ZFYVE28: variants seen among roughly 807,000 people sequenced by gnomAD.
ZFYVE28 encodes zinc finger FYVE-type containing 28.
Under a neutral mutation model 82.1 loss-of-function variants are expected in ZFYVE28, and 40 were observed. The ratio of observed to expected loss-of-function variants is 0.49; its 90% CI spans 0.38 to 0.63. The LOEUF (loss-of-function observed/expected upper bound fraction) is 0.63. Among genes scored for constraint, ZFYVE28 ranks in the 30% least tolerant of loss-of-function variants. The pLI, the probability that ZFYVE28 is intolerant of heterozygous loss-of-function variation, is 0.00. For missense variants in ZFYVE28, 1,321 were observed against 1,242.1 expected, an observed-to-expected ratio of 1.06 and a Z score of -0.96; for synonymous variants, 612 against 546.1, an observed-to-expected ratio of 1.12 and a Z score of -1.68.
At position 2,345,781 on chromosome 4, in the gene ZFYVE28, T is replaced by C. The variant is rs148665315; in HGVS notation, c.181-4166A>G. ...CAAAACCAATAAAAAGAGAAAATCT[T>C]TAAAGTAGCACGAGAAAAAAGATGT... On this transcript the variant is annotated intron_variant, in intron 2 of 12. Coordinates refer to ENST00000290974, the MANE Select transcript of ZFYVE28 (RefSeq NM_020972.3). 4.6e-4 allele frequency among the ~76,000 whole-genome samples: 70 copies of C among 151,576 alleles called. 2 individuals are homozygous for C. The highest frequency in any genetic ancestry group is 1.7e-3 in the African/African-American group (69 of 41,272).
At chr4:2,357,728 A>G (rs1192155680) in intron 1 of ZFYVE28, among the ~76,000 whole-genome samples, 1 of 152,176 alleles carries the variant, frequency 6.6e-6, no homozygotes, top group East Asian at 1.9e-4. Flanking sequence ...CTGGCCCAGC[A>G]AACAGGCCAG....
chr4:2,413,024 A>G (rs1008152680), intron 1 of ZFYVE28, among the ~76,000 whole-genome samples: 4 of 152,306 alleles, frequency 2.6e-5, no homozygotes, highest in African/African-American at 9.6e-5. Context: ...GTAAGCGCCC[A>G]GCCCTGCCCT....
chr4:2,373,466 C>G (rs1223049705), intron 1 of ZFYVE28, among the ~76,000 whole-genome samples: 1 of 152,030 alleles, frequency 6.6e-6, no homozygotes, highest in African/African-American at 2.4e-5. Flanking sequence ...GCCACTGCCA[C>G]TGCACTCCAG....
intron 1 of ZFYVE28, among the ~76,000 whole-genome samples, chr4:2,387,573 T>A (rs1443997047): frequency 6.6e-6 from 1 of 152,176 alleles, no homozygotes; most frequent in Non-Finnish European, 1.5e-5. Flanking sequence ...AGAGGAGGCC[T>A]GGGCAGGGAG....
intron 8 of ZFYVE28, among the ~76,000 whole-genome samples, chr4:2,290,496 C>T (rs1234169900): frequency 9.9e-5 from 15 of 152,224 alleles, no homozygotes; most frequent in Admixed American, 9.2e-4. Flanking sequence ...CAGCTTTGTC[C>T]TCTCGTGAGG....
At chr4:2,306,736 C>G (rs1433475204) in intron 7 of ZFYVE28, among the ~76,000 whole-genome samples, 1 of 152,180 alleles carries the variant, frequency 6.6e-6, no homozygotes, top group Admixed American at 6.5e-5. Flanking sequence ...TCTAACTGAA[C>G]TGGGCTTTCT....
At chr4:2,313,848 C>CAA (rs397958081) in intron 7 of ZFYVE28, among the ~76,000 whole-genome samples, 21,832 of 80,528 alleles carry the variant, frequency 0.27, 2,352 homozygotes, top group African/African-American at 0.35. Flanking sequence ...GACTCTGTCT[C>CAA]AAAAAAAAAA....
At chr4:2,393,947 T>C (rs1011043904) in intron 1 of ZFYVE28, among the ~76,000 whole-genome samples, 1 of 152,242 alleles carries the variant, frequency 6.6e-6, no homozygotes, top group Non-Finnish European at 1.5e-5. Context: ...CCTGGGTCTC[T>C]CTGGACTAGA....
At position 2,341,422 on chromosome 4, in the gene ZFYVE28, C is replaced by T; in HGVS notation, c.318+56G>A. On this transcript the variant is annotated intron_variant, in intron 3 of 12. Transcript: ENST00000290974. The surrounding 1 kb of genome is among the most constrained non-coding windows in gnomAD (Gnocchi z 4.5). ...CGCCCATGCACAAGGTTCGCAGGGACTTGGCTAGACGCCACCCCACATCAG... is the reference window on the plus strand; with the variant it reads ...CGCCCATGCACAAGGTTCGCAGGGATTTGGCTAGACGCCACCCCACATCAG... 3.1e-6 allele frequency: 5 copies of T among 1,602,020 alleles called. No homozygotes were observed. Among genetic ancestry groups the T allele is most frequent in the Non-Finnish European group, 3.4e-6 (4 of 1,175,558 alleles).
chr4:2,417,004 G>A lies in ZFYVE28; in HGVS notation c.39+1281C>T, dbSNP rs1445593594. On this transcript the variant is annotated intron_variant, in intron 1 of 12. Coordinates refer to ENST00000290974, the MANE Select transcript of ZFYVE28 (RefSeq NM_020972.3). This position sits in a 1 kb window ranked among gnomAD's most constrained non-coding sequence, Gnocchi z 4.8. ...CCCACCTCCCGCCTTCCTGGAATGG[G>A]CGCACGCGAGGCACGGATTTCAGGA... Among the ~76,000 whole-genome samples the A allele has an allele frequency of 6.6e-6, 1 of 152,232 alleles. No individual in the cohort carries two copies. The highest frequency in any genetic ancestry group is 1.9e-4 in the East Asian group (1 of 5,184).
intron 1 of ZFYVE28, among the ~76,000 whole-genome samples, chr4:2,374,003 C>T (rs1727849066): frequency 6.6e-6 from 1 of 152,198 alleles, no homozygotes; most frequent in Admixed American, 6.5e-5. Context: ...CCCAGCCAGT[C>T]CTGACCTTGG....
At chr4:2,401,388 C>A (rs1409499741) in intron 1 of ZFYVE28, among the ~76,000 whole-genome samples, 1 of 152,184 alleles carries the variant, frequency 6.6e-6, no homozygotes, top group Admixed American at 6.5e-5. Context: ...GGGCAGGAGT[C>A]CCGGTGCCCA....
intron 8 of ZFYVE28, among the ~76,000 whole-genome samples, chr4:2,294,723 C>T (rs1394047453): frequency 6.6e-6 from 1 of 152,148 alleles, no homozygotes; most frequent in Non-Finnish European, 1.5e-5. Context: ...ATATAAAGAA[C>T]TATCAGTACT....
chr4:2,349,667 CATGCTGCT>C (rs763189736), intron 2 of ZFYVE28, among the ~76,000 whole-genome samples: 3 of 152,114 alleles, frequency 2.0e-5, no homozygotes, highest in Non-Finnish European at 4.4e-5. Context: ...ATGGCATCTG[CATGCTGCT>C]ATTGCTGTTG....
chr4:2,305,424 G>A lies in ZFYVE28; in HGVS notation c.916C>T (p.Leu306=), dbSNP rs1178097310. 1.2e-6 allele frequency: 2 copies of A among 1,612,884 alleles called. No individual in the cohort carries two copies. Among genetic ancestry groups the A allele is most frequent in the Admixed American group, 3.3e-5 (2 of 60,028 alleles). Residue 306 remains leucine, a synonymous_variant, in exon 8 of 13, where the codon CTG becomes TTG. Transcript: ENST00000290974. ...IRADVQGPAA[L]APALSAPLPP... ...AGAGGGGCAGAGAGGGCAGGCGCCA[G>A]GGCAGCGGGTCCCTGCACGTCTGCG...
At chr4:2,306,220 G>A (rs138090244) in intron 7 of ZFYVE28, among the ~76,000 whole-genome samples, 284 of 152,366 alleles carry the variant, frequency 1.9e-3, no homozygotes, top group African/African-American at 6.7e-3. Flanking sequence ...GAAGCTCCTG[G>A]AGCAGGCTCC....
At chr4:2,352,408 G>A (rs1724616251) in intron 2 of ZFYVE28, among the ~76,000 whole-genome samples, 1 of 151,964 alleles carries the variant, frequency 6.6e-6, no homozygotes, top group African/African-American at 2.4e-5. Context: ...GAGATAGGAG[G>A]AGGGAGGAAG....
At chr4:2,299,641 G>GA (rs1715188245) in intron 8 of ZFYVE28, among the ~76,000 whole-genome samples, 1 of 134,214 alleles carries the variant, frequency 7.5e-6, no homozygotes, top group Non-Finnish European at 1.6e-5. Context: ...GAAGGGAAGG[G>GA]AGGGGAGGGA....
chr4:2,276,132 G>A (rs1393459670), intron 8 of ZFYVE28, among the ~76,000 whole-genome samples: 4 of 152,056 alleles, frequency 2.6e-5, no homozygotes, highest in Non-Finnish European at 5.9e-5. Context: ...TCAGGGCAGC[G>A]GGCTGCGGCA....
Sources: allele counts gnomAD v4.1 joint callset (sites outside exome capture counted in the v4.1 genomes callset), GRCh38; gene constraint gnomAD v4.1.1; non-coding constraint Gnocchi (gnomAD v3.1); transcripts MANE v1.5; gene names NCBI Gene and HGNC (gene_info 2026-07-23, HGNC 2026-07-21).